DCUN1D4: variants seen among roughly 807,000 people sequenced by gnomAD.
DCUN1D4 encodes DCN1-like protein 4.
Under a neutral mutation model 47.9 loss-of-function variants are expected in DCUN1D4, and 22 were observed. The observed-to-expected ratio is 0.46, with a 90% CI of 0.33 to 0.66. The LOEUF is 0.66. DCUN1D4 is among the 30% of genes least tolerant of loss of function. The pLI is 0.02. For missense variants in DCUN1D4, 301 were observed against 340.8 expected, an observed-to-expected ratio of 0.88 and a Z score of 0.92; for synonymous variants, 121 against 112.2, an observed-to-expected ratio of 1.08 and a Z score of -0.50.
At chr4:51,849,867 G>C (rs1287518175) in intron 1 of DCUN1D4, among the ~76,000 whole-genome samples, 2 of 151,572 alleles carry the variant, frequency 1.3e-5, no homozygotes, top group Non-Finnish European at 2.9e-5. Flanking sequence ...GTGTGTGCGT[G>C]TTTTAGTGGA....
chr4:51,844,676 G>A (rs1722225653), intron 1 of DCUN1D4, among the ~76,000 whole-genome samples: 2 of 151,488 alleles, frequency 1.3e-5, no homozygotes, highest in Admixed American at 1.3e-4. Flanking sequence ...CCCGGGGGGC[G>A]CGACTTCTCC....
chr4:51,834,652 C>T, the DCUN1D4 span, among the ~76,000 whole-genome samples: 1 of 152,118 alleles, frequency 6.6e-6, no homozygotes, highest in Non-Finnish European at 1.5e-5. Context: ...TTTGCCTTTA[C>T]TCGCTGAGAA....
chr4:51,883,850 A>G (rs553275213), intron 5 of DCUN1D4, among the ~76,000 whole-genome samples: 6 of 152,166 alleles, frequency 3.9e-5, no homozygotes, highest in Non-Finnish European at 7.4e-5. Flanking sequence ...AGAGGGGACA[A>G]CTTCACTTTT....
intron 6 of DCUN1D4, among the ~76,000 whole-genome samples, chr4:51,890,748 C>G (rs1019945720): frequency 3.3e-5 from 5 of 152,176 alleles, no homozygotes; most frequent in Non-Finnish European, 7.3e-5. Flanking sequence ...CAACCCTGTC[C>G]CTGTGTAGCA....
chr4:51,886,704 T>C, intron 6 of DCUN1D4, 66 bp downstream of exon 6: 1 of 1,286,972 alleles, frequency 7.8e-7, no homozygotes, highest in South Asian at 1.2e-5. Context: ...CTTTGTTCTT[T>C]AGCAAATAAA....
chr4:51,864,432 A>G (rs1188039056), intron 3 of DCUN1D4, among the ~76,000 whole-genome samples: 1 of 152,244 alleles, frequency 6.6e-6, no homozygotes, highest in Non-Finnish European at 1.5e-5. Flanking sequence ...AGTTTTTGAA[A>G]ATGGCCATAG....
At chr4:51,854,781 G>A (rs1325162487) in intron 1 of DCUN1D4, among the ~76,000 whole-genome samples, 1 of 152,206 alleles carries the variant, frequency 6.6e-6, no homozygotes, top group Non-Finnish European at 1.5e-5. Context: ...CCTGCCTTGT[G>A]CTAGGTTTGT....
intron 3 of DCUN1D4, among the ~76,000 whole-genome samples, chr4:51,868,449 CAGTT>C (rs1184601839): frequency 1.3e-5 from 2 of 152,208 alleles, no homozygotes; most frequent in Admixed American, 1.3e-4. Flanking sequence ...CAGTCAATGT[CAGTT>C]AGTGTTAGTA....
chr4:51,874,280 G>T lies in DCUN1D4; in HGVS notation c.146G>T (p.Arg49Leu), dbSNP rs142966675. 6 of 1,610,058 alleles carry T rather than the reference G, an allele frequency of 3.7e-6. No homozygotes were observed. In the African/African-American group the frequency reaches 6.7e-5, roughly 18 times the overall value. Residue 49 changes from arginine (R) to leucine (L), a missense_variant, in exon 4 of 11, where the codon CGG becomes CTG. By Grantham distance (102) the Arg-to-Leu change is moderately radical (BLOSUM62 -2). Around this residue, in one of 2 missense-constraint regions of DCUN1D4, gnomAD observed 131 missense variants for 106.3 expected, o/e 1.23. Coordinates refer to ENST00000334635, the MANE Select transcript of DCUN1D4 (RefSeq NM_001040402.3). ...GQDDHQTGSL[R>L]SCSSSDCFNK... is the part of the protein sequence containing the mutation. ...TGAATTTGTTTTGTAGGAAGTCTGCGGTCTTGCAGTTCTTCAGACTGCTTT... is the reference window on the plus strand; with the variant it reads ...TGAATTTGTTTTGTAGGAAGTCTGCTGTCTTGCAGTTCTTCAGACTGCTTT...
At chr4:51,896,794 A>G (rs1374399638) in intron 7 of DCUN1D4, among the ~76,000 whole-genome samples, 1 of 152,114 alleles carries the variant, frequency 6.6e-6, no homozygotes, top group African/African-American at 2.4e-5. Context: ...ATGGAGATCA[A>G]GAGTGAGCTT....
At chr4:51,883,820 C>T (rs150433221) in intron 5 of DCUN1D4, among the ~76,000 whole-genome samples, 1,691 of 152,136 alleles carry the variant, frequency 0.011, 34 homozygotes, top group African/African-American at 0.035. Flanking sequence ...ATAGTTGTCT[C>T]TGCAGAGTAG....
intron 7 of DCUN1D4, among the ~76,000 whole-genome samples, chr4:51,897,586 C>A (rs1731463851): frequency 6.6e-6 from 1 of 152,086 alleles, no homozygotes; most frequent in Non-Finnish European, 1.5e-5. Context: ...TAAAAATAAC[C>A]AATAAGTATG....
chr4:51,874,456 G>T (rs1019474354), intron 4 of DCUN1D4, 71 bp downstream of exon 4: 3 of 1,145,686 alleles, frequency 2.6e-6, no homozygotes, highest in Non-Finnish European at 3.7e-6. Context: ...ACCTAATTCA[G>T]TGTGGGTCTT....
upstream of DCUN1D4, among the ~76,000 whole-genome samples, chr4:51,839,111 A>C (rs1290882235): frequency 6.8e-6 from 1 of 147,478 alleles, no homozygotes; most frequent in African/African-American, 2.5e-5. Flanking sequence ...AGGAAGGAAG[A>C]AGGGAAGGAG....
intron 1 of DCUN1D4, among the ~76,000 whole-genome samples, chr4:51,850,362 G>C (rs1162544164): frequency 6.6e-6 from 1 of 152,188 alleles, no homozygotes. Context: ...GTGGCCTGTA[G>C]ACATGCAGGG....
intron 1 of DCUN1D4, among the ~76,000 whole-genome samples, chr4:51,852,873 A>C (rs947479816): frequency 6.6e-6 from 1 of 152,214 alleles, no homozygotes; most frequent in African/African-American, 2.4e-5. Context: ...ACTCCAACCC[A>C]GGGCTTTATG....
At chr4:51,869,289 A>C (rs1360396134) in intron 3 of DCUN1D4, among the ~76,000 whole-genome samples, 2 of 152,200 alleles carry the variant, frequency 1.3e-5, no homozygotes, top group Non-Finnish European at 2.9e-5. Context: ...TGAAATAAAA[A>C]TATTAGCTAC....
chr4:51,901,316 C>T (rs533952201), intron 8 of DCUN1D4, among the ~76,000 whole-genome samples: 11 of 152,248 alleles, frequency 7.2e-5, no homozygotes, highest in African/African-American at 2.2e-4. Flanking sequence ...TAAGAAAGTG[C>T]GCTTCAGCAA....
chr4:51,868,711 C>T (rs959078159), intron 3 of DCUN1D4, among the ~76,000 whole-genome samples: 2 of 152,178 alleles, frequency 1.3e-5, no homozygotes. Context: ...CCTGCTCTGC[C>T]TCCTCTCAGG....
Sources: allele counts gnomAD v4.1 joint callset (sites outside exome capture counted in the v4.1 genomes callset), GRCh38; gene constraint gnomAD v4.1.1; regional missense constraint gnomAD v4.1.1; transcripts MANE v1.5; gene names NCBI Gene and HGNC (gene_info 2026-07-23, HGNC 2026-07-21).